Variants in PTPRJ observed in about 807,000 individuals in gnomAD.
The protein encoded by PTPRJ is protein tyrosine phosphatase receptor type J, also known as receptor-type tyrosine-protein phosphatase eta.
PTPRJ carries 129 observed loss-of-function variants against 141.3 expected under a neutral mutation model. The observed-to-expected ratio is 0.91, with a 90% confidence interval of 0.79 to 1.06. The LOEUF is 1.06. PTPRJ is among the 50% of genes least tolerant of loss of function. The pLI, the probability that PTPRJ is intolerant of heterozygous loss-of-function variation, is 0.00. For missense variants in PTPRJ, 1,601 were observed against 1,679.7 expected (o/e 0.95, Z 0.82); for synonymous variants, 610 against 640.5 (o/e 0.95, Z 0.72).
intron 1 of PTPRJ, among the ~76,000 whole-genome samples, chr11:48,094,983 G>A (rs55709369): frequency 0.031 from 4,650 of 152,246 alleles, 106 homozygotes; most frequent in Non-Finnish European, 0.046. Flanking sequence ...GGCCATGGTC[G>A]GAGAGAAGGC....
At chr11:48,084,340 C>T (rs1276300305) in intron 1 of PTPRJ, among the ~76,000 whole-genome samples, 2 of 152,092 alleles carry the variant, frequency 1.3e-5, no homozygotes, top group Non-Finnish European at 2.9e-5. Flanking sequence ...CACGCCCACA[C>T]ACCCTACTAA....
At position 48,130,565 on chromosome 11, in the gene PTPRJ, G is replaced by A; in HGVS notation, c.1464G>A (p.Gln488=). Residue 488 remains glutamine (Q), a synonymous_variant, in exon 8 of 25, where the codon CAG becomes CAA. Coordinates refer to ENST00000418331, the MANE Select transcript of PTPRJ (RefSeq NM_002843.4). The part of the protein sequence containing the change: ...DAESFQMHIT[Q]EGAGNSRVEI... Reference sequence around the variant, plus strand: ...AATCATTTCAGATGCATATCACACAGGAGGGAGCTGGCAATTCTCGGGTAG... The same window carrying A: ...AATCATTTCAGATGCATATCACACAAGAGGGAGCTGGCAATTCTCGGGTAG... 6.2e-7 allele frequency: 1 copy of A among 1,614,140 alleles called. No homozygotes were observed. The highest frequency in any genetic ancestry group is 8.5e-7 in the Non-Finnish European group (1 of 1,180,028).
At chr11:48,003,226 A>G (rs569065851) in intron 1 of PTPRJ, among the ~76,000 whole-genome samples, 1 of 152,332 alleles carries the variant, frequency 6.6e-6, no homozygotes, top group South Asian at 2.1e-4. Context: ...TTTCGTATTT[A>G]GAGATTTAAG....
At chr11:48,135,541 G>T (rs1857080667) in intron 8 of PTPRJ, among the ~76,000 whole-genome samples, 1 of 143,146 alleles carries the variant, frequency 7.0e-6, no homozygotes, top group Non-Finnish European at 1.5e-5. Flanking sequence ...GAGTGCAGTG[G>T]TGTGATATCG....
rs187411370 is a variant in PTPRJ, at chr11:47,989,657, A to T, written c.96+8649A>T. Among the ~76,000 whole-genome samples, 603 of 152,136 alleles carry T rather than the reference A, an allele frequency of 4.0e-3. 5 individuals are homozygous for T. The highest frequency in any genetic ancestry group is 0.014 in the African/African-American group (578 of 41,504). Reference sequence around the variant, plus strand: ...CTATAGATAGATAGATATAGATATAATCTTTGTTATCAATTTGTATAAGCT... The same window carrying T: ...CTATAGATAGATAGATATAGATATATTCTTTGTTATCAATTTGTATAAGCT... On this transcript the variant is annotated intron_variant, in intron 1 of 24. Transcript: ENST00000418331.
intron 24 of PTPRJ, among the ~76,000 whole-genome samples, chr11:48,165,397 T>C (rs1408277381): frequency 6.6e-6 from 1 of 152,250 alleles, no homozygotes; most frequent in African/African-American, 2.4e-5. Context: ...GTACTACTGC[T>C]GGATTTGGTT....
At position 48,029,167 on chromosome 11, in the gene PTPRJ, G is replaced by A. The variant is rs150107495; in HGVS notation, c.96+48159G>A. Among the ~76,000 whole-genome samples the A allele has an allele frequency of 2.5e-3, 375 of 152,290 alleles. 1 individual carries two copies. Among genetic ancestry groups the A allele is most frequent in the African/African-American group, 5.3e-3 (219 of 41,554 alleles). ...TCCTGCCCGCACAGCCTCATTCGGC[G>A]TTGATACCCATGCCTGGAGGATGTG... On this transcript the variant is annotated intron_variant, in intron 1 of 24. Transcript: ENST00000418331.
chr11:48,096,170 T>C (rs1375790231), intron 1 of PTPRJ, among the ~76,000 whole-genome samples: 2 of 152,168 alleles, frequency 1.3e-5, no homozygotes. Flanking sequence ...TTTTCTTTCC[T>C]GAAAGCACAC....
Position 48,145,127 on chromosome 11 carries a change from A to G in PTPRJ, c.2911+3A>G, listed in dbSNP as rs780391855. ...TGTTTCCTTGCCCCAGGATCCAGGT[A>G]GGGAGAAGACAACAGTCCTGGCACT... On this transcript the variant is annotated splice_donor_region_variant and intron_variant, in intron 14 of 24. Transcript: ENST00000418331. The G allele has an allele frequency of 1.2e-6, 2 of 1,613,780 alleles. No homozygotes were observed. The highest frequency in any genetic ancestry group is 2.2e-5 in the South Asian group (2 of 91,064).
At chr11:48,056,706 ACTTT>A (rs1377716588) in intron 1 of PTPRJ, among the ~76,000 whole-genome samples, 2 of 152,158 alleles carry the variant, frequency 1.3e-5, no homozygotes, top group African/African-American at 2.4e-5. Flanking sequence ...TAATCCCAGC[ACTTT>A]GGGAGGCCGA....
intron 1 of PTPRJ, among the ~76,000 whole-genome samples, chr11:48,105,043 C>T (rs1028085955): frequency 6.6e-6 from 1 of 152,078 alleles, no homozygotes; most frequent in Non-Finnish European, 1.5e-5. Flanking sequence ...ATCTGACTTG[C>T]GACTGGACGG....
At chr11:48,090,494 T>C (rs1461742879) in intron 1 of PTPRJ, among the ~76,000 whole-genome samples, 1 of 152,098 alleles carries the variant, frequency 6.6e-6, no homozygotes, top group Non-Finnish European at 1.5e-5. Context: ...AGCACAGTGG[T>C]CCTCTTCAGA....
At chr11:47,981,113 C>A in intron 1 of PTPRJ, 105 bp downstream of exon 1, 1 of 1,097,862 alleles carries the variant, frequency 9.1e-7, no homozygotes, top group Non-Finnish European at 1.1e-6. Context: ...GGGAAGGGGG[C>A]GGGGGTCCGG....
chr11:48,106,763 CTTTTTTTTTTTTT>C (rs35643138), intron 1 of PTPRJ, among the ~76,000 whole-genome samples: 4 of 86,452 alleles, frequency 4.6e-5, no homozygotes, highest in Admixed American at 4.0e-4. Context: ...TTCTTTCTTT[CTTTTTTTTTTTTT>C]TTTTTTTTTT....
chr11:48,058,651 C>T (rs1854827229), intron 1 of PTPRJ, among the ~76,000 whole-genome samples: 1 of 152,184 alleles, frequency 6.6e-6, no homozygotes, highest in Admixed American at 6.5e-5. Flanking sequence ...AAGCCACCAT[C>T]GTCTCTCACC....
chr11:48,105,226 C>T (rs1208004038), intron 1 of PTPRJ, among the ~76,000 whole-genome samples: 1 of 152,004 alleles, frequency 6.6e-6, no homozygotes, highest in Non-Finnish European at 1.5e-5. Flanking sequence ...CCAAGCTCAC[C>T]AGGTCCTGGC....
At chr11:48,010,309 C>A (rs1427447256) in intron 1 of PTPRJ, among the ~76,000 whole-genome samples, 2 of 152,126 alleles carry the variant, frequency 1.3e-5, no homozygotes, top group Admixed American at 6.5e-5. Flanking sequence ...TCCTGAGTAG[C>A]TGGGATTACA....
chr11:48,132,937 C>T (rs1292904339), intron 8 of PTPRJ, among the ~76,000 whole-genome samples: 2 of 152,182 alleles, frequency 1.3e-5, no homozygotes, highest in African/African-American at 4.8e-5. Flanking sequence ...GTCTTAACGT[C>T]AACATGTTTC....
At chr11:48,078,127 T>C (rs2013752) in intron 1 of PTPRJ, among the ~76,000 whole-genome samples, 148,024 of 151,078 alleles carry the variant, frequency 0.98, 72,603 homozygotes, top group Non-Finnish European at 1. Flanking sequence ...GGTGCGATCT[T>C]GGCTCACTGC....
Sources: allele counts gnomAD v4.1 joint callset (sites outside exome capture counted in the v4.1 genomes callset), GRCh38; gene constraint gnomAD v4.1.1; transcripts MANE v1.5; gene names NCBI Gene and HGNC (gene_info 2026-07-23, HGNC 2026-07-21).